The following L3MBTL3 variants were observed in gnomAD, a reference collection of about 807,000 sequenced individuals.
L3MBTL3 encodes the protein lethal(3)malignant brain tumor-like protein 3.
Under a neutral mutation model 102.3 loss-of-function variants are expected in L3MBTL3, and 27 were observed. That is an observed-to-expected ratio of 0.26 (90% CI 0.19 to 0.36). L3MBTL3 has a LOEUF of 0.36. Ranked by LOEUF, L3MBTL3 falls within the 10% of genes least tolerant of loss-of-function variation. The pLI is 1.00. For synonymous variants in L3MBTL3, 340 were observed against 320.9 expected (o/e 1.06, Z -0.64); for missense variants, 798 against 955.3 (o/e 0.84, Z 2.17).
Position 130,057,535 on chromosome 6 carries a change from A to G in L3MBTL3, c.759+38A>G, listed in dbSNP as rs144886174. On this transcript the variant is annotated intron_variant, in intron 9 of 22. Transcript: ENST00000361794. ...CTAGAGACGTGATCTGTAAGGGCGCAGGAGCTGGGATACCAGCCTGAATTA... is the reference window on the plus strand; with the variant it reads ...CTAGAGACGTGATCTGTAAGGGCGCGGGAGCTGGGATACCAGCCTGAATTA... 1.5e-3 allele frequency: 2,152 copies of G among 1,464,072 alleles called. 40 individuals carry two copies. The African/African-American group carries it at 0.026, about 18-fold the overall frequency. 90.7% of individuals were successfully genotyped at this position (1,464,072 alleles called of 1,614,324 possible).
intron 2 of L3MBTL3, among the ~76,000 whole-genome samples, chr6:130,031,586 TG>T (rs915634358): frequency 6.6e-6 from 1 of 152,208 alleles, no homozygotes; most frequent in African/African-American, 2.4e-5. Context: ...AGTTGTGTTT[TG>T]GGGAGCAGAC....
chr6:130,074,196 G>C (rs906474525), intron 13 of L3MBTL3, among the ~76,000 whole-genome samples: 1 of 152,088 alleles, frequency 6.6e-6, no homozygotes, highest in Non-Finnish European at 1.5e-5. Flanking sequence ...TTACATTAGT[G>C]GGAATTTGAA....
At chr6:130,070,481 C>G (rs960956012) in intron 12 of L3MBTL3, among the ~76,000 whole-genome samples, 79 of 152,258 alleles carry the variant, frequency 5.2e-4, no homozygotes, top group Non-Finnish European at 2.8e-4. Context: ...TGAAGATGAC[C>G]TACTTTCGAG....
chr6:130,047,148 C>A (rs796202410), intron 3 of L3MBTL3, among the ~76,000 whole-genome samples: 8 of 151,974 alleles, frequency 5.3e-5, no homozygotes, highest in African/African-American at 1.9e-4. Context: ...AACTATGAAT[C>A]TTGTCCCCAG....
rs1780506350 is a variant in L3MBTL3 at position 130,042,800 on chromosome 6, A to G, written c.101A>G (p.Lys34Arg). 1.6e-5 allele frequency: 26 copies of G among 1,593,880 alleles called. No individual in the cohort carries two copies. Among genetic ancestry groups the G allele is most frequent in the Non-Finnish European group, 2.2e-5 (26 of 1,161,564 alleles). The change falls in exon 3 of 23, where the codon AAG (lysine) becomes AGG (arginine). Residue 34 changes from lysine to arginine, a missense_variant and splice_region_variant. By Grantham distance (26) the Lys-to-Arg change is conservative. Transcript: ENST00000361794. ...GVGTLPGSDL[K>R]FRVNEFGALE... ...GGCACGTTACCAGGAAGTGACTTAAAGGTAAACCCTCTTTATTACATACAA... is the reference window on the plus strand; with the variant it reads ...GGCACGTTACCAGGAAGTGACTTAAGGGTAAACCCTCTTTATTACATACAA...
chr6:130,139,791 A>G lies in L3MBTL3; in HGVS notation c.*38A>G, dbSNP rs1165151279. On this transcript the variant is annotated 3_prime_UTR_variant, in exon 23 of 23. Coordinates refer to ENST00000361794, the MANE Select transcript of L3MBTL3 (RefSeq NM_032438.4). The stretch of plus-strand genomic sequence containing the variant: ...CTGAATACCATCAGCATTCTGCTTT[A>G]AAGCTCATGTTTTATTCAAAGCACA... The G allele has an allele frequency of 6.3e-7, 1 of 1,599,712 alleles. No individual in the cohort carries two copies. Among genetic ancestry groups the G allele is most frequent in the African/African-American group, 1.3e-5 (1 of 74,796 alleles).
At position 130,139,890 on chromosome 6, in the gene L3MBTL3, T is replaced by G. The variant is rs1255437631; in HGVS notation, c.*137T>G. ...AACACTATCGGATTATTTATATTAC[T>G]CAAGAGACAATATATATGAATTCTT... On this transcript the variant is annotated 3_prime_UTR_variant, in exon 23 of 23. Transcript: ENST00000361794. 8.0e-6 allele frequency: 6 copies of G among 747,734 alleles called. No individual in the cohort carries two copies. The highest frequency in any genetic ancestry group is 7.1e-5 in the African/African-American group (4 of 55,978). The allele number at this position is 747,734 out of a possible 1,614,324, so 46.3% of individuals were successfully genotyped here.
intron 2 of L3MBTL3, among the ~76,000 whole-genome samples, chr6:130,024,303 AT>A (rs1779193200): frequency 6.6e-6 from 1 of 152,048 alleles, no homozygotes; most frequent in South Asian, 2.1e-4. Flanking sequence ...ACTATGTAAA[AT>A]CTAGATTAAA....
At chr6:130,042,598 T>C in intron 2 of L3MBTL3, 87 bp from the exon 3 acceptor site, 2 of 724,020 alleles carry the variant, frequency 2.8e-6, no homozygotes, top group Non-Finnish European at 2.4e-6. Context: ...AATTATGTAA[T>C]TAAGGGAAAC....
chr6:130,092,132 A>T (rs1281044060), intron 16 of L3MBTL3, among the ~76,000 whole-genome samples: 1 of 152,186 alleles, frequency 6.6e-6, no homozygotes, highest in Non-Finnish European at 1.5e-5. Context: ...ATGTATACCC[A>T]TAATAATTAA....
At chr6:130,039,913 T>C (rs2114664752) in intron 2 of L3MBTL3, among the ~76,000 whole-genome samples, 1 of 152,318 alleles carries the variant, frequency 6.6e-6, no homozygotes, top group African/African-American at 2.4e-5. Flanking sequence ...ATAGTGAACA[T>C]TCTTAGTTAC....
chr6:130,108,221 T>G (rs1036592766), intron 19 of L3MBTL3, among the ~76,000 whole-genome samples: 4 of 95,182 alleles, frequency 4.2e-5, no homozygotes, highest in African/African-American at 1.3e-4. Context: ...TGTTAGGTGG[T>G]TTTTTTTTTG....
At chr6:130,035,304 A>G (rs1251943135) in intron 2 of L3MBTL3, among the ~76,000 whole-genome samples, 1 of 152,216 alleles carries the variant, frequency 6.6e-6, no homozygotes, top group Non-Finnish European at 1.5e-5. Flanking sequence ...TAAGTGGTAC[A>G]TGGTAGACTG....
At chr6:130,115,630 CAGTA>C (rs1426969463) in intron 19 of L3MBTL3, among the ~76,000 whole-genome samples, 16 of 152,244 alleles carry the variant, frequency 1.1e-4, no homozygotes, top group Admixed American at 3.9e-4. Context: ...TAGATTAAGA[CAGTA>C]AGACCTCTAA....
chr6:130,032,730 C>T (rs1435728355), intron 2 of L3MBTL3, among the ~76,000 whole-genome samples: 2 of 152,304 alleles, frequency 1.3e-5, no homozygotes, highest in East Asian at 3.9e-4. Flanking sequence ...GTGGCTCACA[C>T]CTGTAATCCC....
At chr6:130,020,206 C>T (rs1778887010) in intron 1 of L3MBTL3, among the ~76,000 whole-genome samples, 1 of 149,280 alleles carries the variant, frequency 6.7e-6, no homozygotes, top group African/African-American at 2.5e-5. Context: ...GTCCTGGGCC[C>T]CGCGGGCCGT....
chr6:130,109,265 C>T (rs1270727119), intron 19 of L3MBTL3, among the ~76,000 whole-genome samples: 1 of 152,122 alleles, frequency 6.6e-6, no homozygotes, highest in Non-Finnish European at 1.5e-5. Context: ...GGTTCTAGAT[C>T]CTTGAGGAAT....
At chr6:130,075,666 A>AGG (rs1307873872) in intron 13 of L3MBTL3, among the ~76,000 whole-genome samples, 2 of 152,170 alleles carry the variant, frequency 1.3e-5, no homozygotes, top group African/African-American at 4.8e-5. Context: ...TTGACTTCTA[A>AGG]GGAGGGTTCC....
rs1476612227 is a variant in L3MBTL3, at chr6:130,086,262, G to C, written c.1518+12G>C. 1 of 1,524,778 alleles carries C rather than the reference G, an allele frequency of 6.6e-7. No individual in the cohort carries two copies. The highest frequency in any genetic ancestry group is 9.0e-7 in the Non-Finnish European group (1 of 1,112,700). The allele number at this position is 1,524,778 out of a possible 1,614,324, so 94.5% of individuals were successfully genotyped here. A position where few individuals can be genotyped will look rare whatever the true frequency, so the allele number is the denominator to read the frequency against. ...ATCACCGGGTAAAAGTAAGTGTTCT[G>C]TGTGGGGGGTTGGCTTTGTCTTTTG... On this transcript the variant is annotated intron_variant, in intron 16 of 22. Transcript: ENST00000361794.
Sources: allele counts gnomAD v4.1 joint callset (sites outside exome capture counted in the v4.1 genomes callset), GRCh38; gene constraint gnomAD v4.1.1; transcripts MANE v1.5; gene names NCBI Gene and HGNC (gene_info 2026-07-23, HGNC 2026-07-21).